RBFOX1: variants seen among roughly 807,000 people sequenced by gnomAD.
RBFOX1 encodes RNA binding protein fox-1 homolog 1.
RBFOX1 carries 8 observed loss-of-function variants against 57.7 expected under a neutral mutation model. The observed-to-expected ratio is 0.14, with a 90% CI of 0.08 to 0.25. The LOEUF is 0.25. RBFOX1 is among the 10% of genes least tolerant of loss of function. The pLI, the probability that RBFOX1 is intolerant of heterozygous loss-of-function variation, is 1.00. For synonymous variants in RBFOX1, 326 were observed against 222.4 expected (o/e 1.47, Z -4.15); for missense variants, 611 against 548.5 (o/e 1.11, Z -1.14).
intron 1 of RBFOX1, among the ~76,000 whole-genome samples, chr16:5,440,097 A>G (rs891259646): frequency 6.6e-6 from 1 of 152,230 alleles, no homozygotes; most frequent in East Asian, 1.9e-4. Context: ...AATGAGTGTC[A>G]TGTTGGATAT....
chr16:6,926,205 G>T (rs2075554980), intron 3 of RBFOX1, among the ~76,000 whole-genome samples: 1 of 152,134 alleles, frequency 6.6e-6, no homozygotes, highest in Non-Finnish European at 1.5e-5. Flanking sequence ...TAATCCAGAG[G>T]CTGAGGCAGG....
intron 4 of RBFOX1, among the ~76,000 whole-genome samples, chr16:5,872,592 C>T (rs564663500): frequency 6.6e-6 from 1 of 151,810 alleles, no homozygotes; most frequent in African/African-American, 2.4e-5. Context: ...AAAAAATTGG[C>T]AGGTGTGGTG....
chr16:7,166,350 C>G (rs1601632618), intron 4 of RBFOX1, among the ~76,000 whole-genome samples: 1 of 152,180 alleles, frequency 6.6e-6, no homozygotes, highest in East Asian at 1.9e-4. Flanking sequence ...ATTCCCAAAT[C>G]AGCAAATAGC....
chr16:7,295,873 C>G (rs914475851), intron 4 of RBFOX1, among the ~76,000 whole-genome samples: 1 of 152,286 alleles, frequency 6.6e-6, no homozygotes, highest in African/African-American at 2.4e-5. Flanking sequence ...TAAGCCTCTC[C>G]TAAGTGAAAG....
chr16:6,555,499 A>C lies in RBFOX1; in HGVS notation c.-63-99104A>C, dbSNP rs1052363814. ...CGGATCACGAGGTCAGGAGATCGAG[A>C]CCATCCTGGCTAACACAGTGAAACC... On this transcript the variant is annotated intron_variant, in intron 2 of 15. Transcript: ENST00000550418. Among the ~76,000 whole-genome samples, 25 of 152,250 alleles carry C rather than the reference A, an allele frequency of 1.6e-4. 1 individual carries two copies. The Middle Eastern group carries it at 0.01, about 62-fold the overall frequency.
chr16:7,443,446 C>T (rs1305787593), intron 4 of RBFOX1, among the ~76,000 whole-genome samples: 1 of 151,090 alleles, frequency 6.6e-6, no homozygotes, highest in Non-Finnish European at 1.5e-5. Flanking sequence ...TTTCTTTGCC[C>T]CCTCCCCCTC....
intron 1 of RBFOX1, among the ~76,000 whole-genome samples, chr16:6,205,287 G>A (rs1306343239): frequency 1.3e-5 from 2 of 152,152 alleles, no homozygotes; most frequent in Non-Finnish European, 2.9e-5. Context: ...AGAAAGGGAA[G>A]CTCTGTGTTT....
intron 3 of RBFOX1, among the ~76,000 whole-genome samples, chr16:6,825,186 G>C (rs575774139): frequency 1.1e-4 from 16 of 149,948 alleles, no homozygotes; most frequent in Non-Finnish European, 1.6e-4. Context: ...ATCCTTTCTT[G>C]TGGGGGGGCT....
chr16:7,029,079 T>A (rs867022358), intron 3 of RBFOX1, among the ~76,000 whole-genome samples: 1 of 37,008 alleles, frequency 2.7e-5, no homozygotes, highest in Non-Finnish European at 3.9e-5. Context: ...TATATATATA[T>A]ATACACACAC....
intron 3 of RBFOX1, among the ~76,000 whole-genome samples, chr16:5,798,008 A>C (rs2054935266): frequency 6.6e-6 from 1 of 152,208 alleles, no homozygotes; most frequent in African/African-American, 2.4e-5. Flanking sequence ...CTGTGTGCGA[A>C]GCCCTGGGAA....
At chr16:7,557,331 A>G (rs916596140) in intron 5 of RBFOX1, among the ~76,000 whole-genome samples, 2 of 152,138 alleles carry the variant, frequency 1.3e-5, no homozygotes, top group Non-Finnish European at 2.9e-5. Context: ...TTAAAAAAAC[A>G]AAAAACAGCC....
chr16:6,934,980 C>T (rs1381077855), intron 3 of RBFOX1, among the ~76,000 whole-genome samples: 1 of 151,740 alleles, frequency 6.6e-6, no homozygotes, highest in Non-Finnish European at 1.5e-5. Flanking sequence ...TCCAGCAAGT[C>T]GGGAGGCTGA....
chr16:7,408,457 G>T (rs563887021), intron 4 of RBFOX1, among the ~76,000 whole-genome samples: 1 of 152,176 alleles, frequency 6.6e-6, no homozygotes, highest in Non-Finnish European at 1.5e-5. Flanking sequence ...AAAATATTCC[G>T]TAAATATCCT....
At chr16:7,630,968 C>T (rs191915425) in intron 11 of RBFOX1, among the ~76,000 whole-genome samples, 9 of 152,252 alleles carry the variant, frequency 5.9e-5, no homozygotes, top group African/African-American at 2.2e-4. Context: ...TCATTGCCTG[C>T]CTTCTATCAT....
chr16:6,559,388 A>G (rs1189318570), intron 2 of RBFOX1, among the ~76,000 whole-genome samples: 1 of 152,114 alleles, frequency 6.6e-6, no homozygotes, highest in African/African-American at 2.4e-5. Context: ...ATACATATAT[A>G]GATATAGATC....
intron 4 of RBFOX1, among the ~76,000 whole-genome samples, chr16:7,200,611 A>G (rs1226641229): frequency 6.6e-6 from 1 of 152,202 alleles, no homozygotes; most frequent in African/African-American, 2.4e-5. Context: ...TCTACCCAGT[A>G]TCCCTTTATG....
chr16:6,900,838 GTGTT>G (rs561026768), intron 3 of RBFOX1, among the ~76,000 whole-genome samples: 1 of 152,286 alleles, frequency 6.6e-6, no homozygotes, highest in South Asian at 2.1e-4. Context: ...TGGTTGTTGA[GTGTT>G]TGTCTTTGTG....
At chr16:6,750,897 T>A (rs779832182) in intron 3 of RBFOX1, among the ~76,000 whole-genome samples, 1 of 152,164 alleles carries the variant, frequency 6.6e-6, no homozygotes, top group Non-Finnish European at 1.5e-5. Flanking sequence ...TACAGTAGTG[T>A]TTTCTTCAGA....
At chr16:6,932,554 G>C (rs1439037451) in intron 3 of RBFOX1, among the ~76,000 whole-genome samples, 1 of 152,120 alleles carries the variant, frequency 6.6e-6, no homozygotes, top group Admixed American at 6.5e-5. Context: ...TATATGGTAG[G>C]TGAGTTAGTG....
Sources: allele counts gnomAD v4.1 joint callset (sites outside exome capture counted in the v4.1 genomes callset), GRCh38; gene constraint gnomAD v4.1.1; transcripts MANE v1.5; gene names NCBI Gene and HGNC (gene_info 2026-07-23, HGNC 2026-07-21).